The following ASAP2 variants were observed in gnomAD, a reference collection of about 807,000 sequenced individuals.
ASAP2 encodes the protein arf-GAP with SH3 domain, ANK repeat and PH domain-containing protein 2.
In ASAP2, 45 loss-of-function variants were observed where a neutral mutation model predicts 131.4. The ratio of observed to expected loss-of-function variants is 0.34; its 90% CI spans 0.27 to 0.44. The LOEUF is 0.44. Among genes scored for constraint, ASAP2 ranks in the 20% least tolerant of loss-of-function variants. The pLI is 1.00. For synonymous variants in ASAP2, 510 were observed against 503.0 expected (o/e 1.01, Z -0.19); for missense variants, 1,011 against 1,297.0 (o/e 0.78, Z 3.39).
intron 3 of ASAP2, among the ~76,000 whole-genome samples, chr2:9,313,921 G>T (rs901146273): frequency 6.6e-6 from 1 of 152,172 alleles, no homozygotes; most frequent in Non-Finnish European, 1.5e-5. Flanking sequence ...CATTCTTGGT[G>T]TGTATGTACA....
chr2:9,344,500 A>G (rs768834729), intron 9 of ASAP2, 32 bp from the exon 10 acceptor site: 41 of 1,566,180 alleles, frequency 2.6e-5, no homozygotes, highest in Non-Finnish European at 3.5e-5. Context: ...GACCTGGACA[A>G]GATTAAAAAC....
At chr2:9,325,821 C>A (rs1484694035) in intron 6 of ASAP2, among the ~76,000 whole-genome samples, 1 of 152,216 alleles carries the variant, frequency 6.6e-6, no homozygotes, top group Admixed American at 6.5e-5. Flanking sequence ...GGTCCTGGCT[C>A]TGCAGAGCTG....
At chr2:9,304,276 G>A (rs1668682590) in intron 3 of ASAP2, among the ~76,000 whole-genome samples, 1 of 152,162 alleles carries the variant, frequency 6.6e-6, no homozygotes, top group Non-Finnish European at 1.5e-5. Flanking sequence ...AAGTATTAAT[G>A]AACCTAAAAC....
chr2:9,402,002 C>A (rs1178368693), intron 27 of ASAP2, among the ~76,000 whole-genome samples: 1 of 152,174 alleles, frequency 6.6e-6, no homozygotes, highest in Non-Finnish European at 1.5e-5. Flanking sequence ...ACAGTGAGGG[C>A]GGTGGATGAA....
rs759499289 is a variant in ASAP2 at position 9,381,980 on chromosome 2, C to CTTT, written c.2016+1191_2016+1193dup. Among the ~76,000 whole-genome samples, 216 of 115,954 alleles carry CTTT rather than the reference C, an allele frequency of 1.9e-3. 2 individuals carry two copies. Among genetic ancestry groups the CTTT allele is most frequent in the African/African-American group, 5.1e-3 (135 of 26,218 alleles). 76.1% of individuals were successfully genotyped at this position (115,954 alleles called of 152,430 possible). The stretch of plus-strand genomic sequence containing the variant: ...CTGTACATCCACGAGCTCATTTAAT[C>CTTT]TTTTTTTTTTTTTTTTTTTTTGAGA... On this transcript the variant is annotated intron_variant, in intron 20 of 27. Coordinates refer to ENST00000281419, the MANE Select transcript of ASAP2 (RefSeq NM_003887.3).
At chr2:9,382,364 G>A (rs1674932030) in intron 20 of ASAP2, among the ~76,000 whole-genome samples, 1 of 152,218 alleles carries the variant, frequency 6.6e-6, no homozygotes, top group Non-Finnish European at 1.5e-5. Context: ...CACAGGCACA[G>A]GAAAGTTAAG....
chr2:9,260,736 T>C (rs1485650976), intron 1 of ASAP2, among the ~76,000 whole-genome samples: 2 of 151,996 alleles, frequency 1.3e-5, no homozygotes, highest in Non-Finnish European at 2.9e-5. Context: ...GTCTTTTGGA[T>C]GGGAAACAGG....
chr2:9,404,810 G>C lies in ASAP2; in HGVS notation c.*1483G>C, dbSNP rs1037052095. 2 of 151,430 alleles carry C rather than the reference G, an allele frequency of 1.3e-5. No homozygotes were observed. The highest frequency in any genetic ancestry group is 2.9e-5 in the Non-Finnish European group (2 of 67,808). 9.4% of individuals were successfully genotyped at this position (151,430 alleles called of 1,614,324 possible). A position where few individuals can be genotyped will look rare whatever the true frequency, so the allele number is the denominator to read the frequency against. Reference sequence around the variant, plus strand: ...GACAGAACAAACTGGAATGTTTTATGATGTTGTATAGCAATCGCTTTTTAC... The same window carrying C: ...GACAGAACAAACTGGAATGTTTTATCATGTTGTATAGCAATCGCTTTTTAC... On this transcript the variant is annotated 3_prime_UTR_variant, in exon 28 of 28. Coordinates refer to ENST00000281419, the MANE Select transcript of ASAP2 (RefSeq NM_003887.3).
At position 9,368,504 on chromosome 2, in the gene ASAP2, AC is replaced by A; in HGVS notation, c.1544del (p.Pro515GlnfsTer5). On this transcript the variant is annotated frameshift_variant, in exon 16 of 28. Coordinates refer to ENST00000281419, the MANE Select transcript of ASAP2 (RefSeq NM_003887.3). LOFTEE classifies it high-confidence loss of function. ...CLPAEDSVKP[N>X]PGSDMNARKD... ...CCAGCTGAGGACTCAGTCAAACCCA[AC>A]CCAGGCAGCGACATGTAAGTATGGG... 1 of 1,614,000 alleles carries A rather than the reference AC, an allele frequency of 6.2e-7. No individual in the cohort carries two copies. The highest frequency in any genetic ancestry group is 8.5e-7 in the Non-Finnish European group (1 of 1,179,930).
intron 6 of ASAP2, among the ~76,000 whole-genome samples, chr2:9,324,472 G>A (rs1670355929): frequency 6.6e-6 from 1 of 152,234 alleles, no homozygotes; most frequent in Admixed American, 6.5e-5. Context: ...CCAAGTCCAA[G>A]GTTGAGGGGC....
intron 5 of ASAP2, among the ~76,000 whole-genome samples, chr2:9,322,917 A>G (rs1670241978): frequency 6.6e-6 from 1 of 152,164 alleles, no homozygotes; most frequent in Non-Finnish European, 1.5e-5. Flanking sequence ...TGCCTAGGAA[A>G]TACTTGTTGA....
chr2:9,393,194 G>A (rs1255672423), intron 23 of ASAP2, among the ~76,000 whole-genome samples: 2 of 152,176 alleles, frequency 1.3e-5, no homozygotes, highest in African/African-American at 4.8e-5. Context: ...GCAGGAAACT[G>A]CTGGCTTTCC....
intron 7 of ASAP2, among the ~76,000 whole-genome samples, chr2:9,331,541 G>T (rs1431809493): frequency 6.6e-6 from 1 of 152,160 alleles, no homozygotes; most frequent in Non-Finnish European, 1.5e-5. Context: ...GCCAAGGGGG[G>T]CGGATCACCT....
At chr2:9,401,426 T>C (rs780964312) in intron 27 of ASAP2, 30 bp downstream of exon 27, 7 of 1,609,114 alleles carry the variant, frequency 4.4e-6, no homozygotes, top group Non-Finnish European at 5.9e-6. Flanking sequence ...GGGAGGTTCC[T>C]GGGGGCTGAG....
At position 9,207,960 on chromosome 2, in the gene ASAP2, A is replaced by G. The variant is rs1368086238; in HGVS notation, c.126+730A>G. ...CTCAAGGTGCAAAGTCATCACGCCTAGCTGCTAAGCAGTACGCTCTCCAGG... is the reference window on the plus strand; with the variant it reads ...CTCAAGGTGCAAAGTCATCACGCCTGGCTGCTAAGCAGTACGCTCTCCAGG... On this transcript the variant is annotated intron_variant, in intron 1 of 27. Coordinates refer to ENST00000281419, the MANE Select transcript of ASAP2 (RefSeq NM_003887.3). The surrounding 1 kb of genome is among the most constrained non-coding windows in gnomAD (Gnocchi z 4.1). Among the ~76,000 whole-genome samples, 1 of 152,184 alleles carries G rather than the reference A, an allele frequency of 6.6e-6. No individual in the cohort carries two copies.
rs775475637 is a variant in ASAP2, at chr2:9,382,118, G to A, written c.2016+1310G>A. Among the ~76,000 whole-genome samples, 4 of 151,298 alleles carry A rather than the reference G, an allele frequency of 2.6e-5. No individual in the cohort carries two copies. The South Asian group carries it at 6.3e-4, about 24-fold the overall frequency. On this transcript the variant is annotated intron_variant, in intron 20 of 27. Coordinates refer to ENST00000281419, the MANE Select transcript of ASAP2 (RefSeq NM_003887.3). ...TCTGCCTCAGCCTCCTGAGTAACTC[G>A]GATTACAGGCACCTGCCACCACGCC...
chr2:9,321,027 G>C (rs1670118541), intron 5 of ASAP2, among the ~76,000 whole-genome samples: 1 of 152,146 alleles, frequency 6.6e-6, no homozygotes, highest in Non-Finnish European at 1.5e-5. Context: ...GTAATTATGG[G>C]GGGAATAATG....
In ASAP2 at chr2:9,280,415, T is replaced by TC. The variant is rs1011749452; in HGVS notation, c.199+1032dup. On this transcript the variant is annotated intron_variant, in intron 2 of 27. Coordinates refer to ENST00000281419, the MANE Select transcript of ASAP2 (RefSeq NM_003887.3). ...AAGCTCCAGTTGCCGCTCTTGATTC[T>TC]CCCCCCATGAGAGCTGTGCAAGCCA... Among the ~76,000 whole-genome samples the TC allele has an allele frequency of 7.3e-5, 11 of 150,838 alleles. 1 individual carries two copies. Among genetic ancestry groups the TC allele is most frequent in the Admixed American group, 7.3e-4 (11 of 15,172 alleles).
intron 1 of ASAP2, among the ~76,000 whole-genome samples, chr2:9,253,274 G>A (rs776748840): frequency 6.6e-5 from 10 of 151,758 alleles, no homozygotes; most frequent in East Asian, 1.9e-4. Flanking sequence ...AGCGATTCTC[G>A]TGCGTCAGCC....
Sources: allele counts gnomAD v4.1 joint callset (sites outside exome capture counted in the v4.1 genomes callset), GRCh38; gene constraint gnomAD v4.1.1; non-coding constraint Gnocchi (gnomAD v3.1); transcripts MANE v1.5; gene names NCBI Gene and HGNC (gene_info 2026-07-23, HGNC 2026-07-21).